DBF4: variants seen among roughly 807,000 people sequenced by gnomAD.
DBF4 encodes the protein protein DBF4 homolog A.
Under a neutral mutation model 76.6 loss-of-function variants are expected in DBF4, and 25 were observed. The observed-to-expected ratio is 0.33, with a 90% CI of 0.24 to 0.46. The LOEUF (loss-of-function observed/expected upper bound fraction) is 0.46. DBF4 is among the 20% of genes least tolerant of loss of function. DBF4 has a pLI of 1.00. For missense variants in DBF4, 638 were observed against 760.8 expected (o/e 0.84, Z 1.90); for synonymous variants, 213 against 258.0 (o/e 0.83, Z 1.67).
intron 11 of DBF4, among the ~76,000 whole-genome samples, chr7:87,905,733 A>C (rs958840502): frequency 2.0e-5 from 3 of 152,244 alleles, no homozygotes; most frequent in Admixed American, 6.5e-5. Flanking sequence ...ACAGCTTCTG[A>C]AAATTAACCA....
chr7:87,896,951 G>C (rs546096943), intron 7 of DBF4, among the ~76,000 whole-genome samples: 1 of 152,170 alleles, frequency 6.6e-6, no homozygotes, highest in South Asian at 2.1e-4. Context: ...CAGGTACTGC[G>C]AATAGTGTGA....
intron 6 of DBF4, 139 bp from the exon 7 acceptor site, chr7:87,896,335 T>C: frequency 1.5e-6 from 1 of 662,600 alleles, no homozygotes; most frequent in Non-Finnish European, 2.6e-6. Flanking sequence ...AAACAATAGT[T>C]TTTTTTAACA....
rs998929767 is a variant in DBF4 at position 87,909,210 on chromosome 7, G to A, written c.*1047G>A. The A allele has an allele frequency of 1.3e-5, 2 of 152,128 alleles. No individual in the cohort carries two copies. Among genetic ancestry groups the A allele is most frequent in the African/African-American group, 4.8e-5 (2 of 41,428 alleles). The allele number at this position is 152,128 out of a possible 1,614,324, so 9.4% of individuals were successfully genotyped here. On this transcript the variant is annotated 3_prime_UTR_variant, in exon 12 of 12. Coordinates refer to ENST00000265728, the MANE Select transcript of DBF4 (RefSeq NM_006716.4). ...CTGGCACTTACTGATACAAGCATTT[G>A]GAGAAGAGAAAATTCAAATATAAGA...
In DBF4 at chr7:87,909,393, T is replaced by C. The variant is rs778248580; in HGVS notation, c.*1230T>C. On this transcript the variant is annotated 3_prime_UTR_variant, in exon 12 of 12. Coordinates refer to ENST00000265728, the MANE Select transcript of DBF4 (RefSeq NM_006716.4). ...TACTAATCTTAATTTTTTTGAAATATATGATTCTCAGTACAGGACTAATTC... is the reference window on the plus strand; with the variant it reads ...TACTAATCTTAATTTTTTTGAAATACATGATTCTCAGTACAGGACTAATTC... The C allele has an allele frequency of 2.0e-5, 3 of 152,360 alleles. No individual in the cohort carries two copies. Among genetic ancestry groups the C allele is most frequent in the South Asian group, 2.1e-4 (1 of 4,830 alleles). 9.4% of individuals were successfully genotyped at this position (152,360 alleles called of 1,614,324 possible).
At chr7:87,887,444 C>A in intron 5 of DBF4, 46 bp downstream of exon 5, 1 of 1,501,654 alleles carries the variant, frequency 6.7e-7, no homozygotes, top group South Asian at 1.2e-5. Flanking sequence ...TTTTAAGTGT[C>A]CATGTCTGTC....
At chr7:87,899,596 G>A (rs1347214767) in intron 8 of DBF4, among the ~76,000 whole-genome samples, 1 of 152,158 alleles carries the variant, frequency 6.6e-6, no homozygotes, top group East Asian at 1.9e-4. Context: ...CTATTAAGCA[G>A]CCAAAAAGTG....
intron 8 of DBF4, among the ~76,000 whole-genome samples, chr7:87,899,399 A>G (rs1839712792): frequency 6.6e-6 from 1 of 152,244 alleles, no homozygotes; most frequent in Admixed American, 6.5e-5. Context: ...GAATATATTA[A>G]GAATTACAAG....
chr7:87,897,368 T>A, intron 8 of DBF4, 29 bp downstream of exon 8: 1 of 1,601,542 alleles, frequency 6.2e-7, no homozygotes, highest in Non-Finnish European at 8.5e-7. Flanking sequence ...TCTGTATGAT[T>A]TAAGTGCAAT....
At chr7:87,904,148 G>T in intron 10 of DBF4, 144 bp from the exon 11 acceptor site, 1 of 719,076 alleles carries the variant, frequency 1.4e-6, no homozygotes, top group Non-Finnish European at 2.1e-6. Flanking sequence ...AACGTCTTTT[G>T]AAGTCTAGTA....
At chr7:87,906,575 A>G (rs1321824230) in intron 11 of DBF4, among the ~76,000 whole-genome samples, 1 of 152,186 alleles carries the variant, frequency 6.6e-6, no homozygotes, top group Non-Finnish European at 1.5e-5. Flanking sequence ...AAGATGCTCC[A>G]TGAAGAAAAT....
rs766336443 is a variant in DBF4 at position 87,900,372 on chromosome 7, A to G, written c.809+23A>G. ...AAGGTTGGTTTGAATCTTTACTTTT[A>G]GAAGGAATATTCAGAATTTCATCTC... On this transcript the variant is annotated intron_variant, in intron 9 of 11. Coordinates refer to ENST00000265728, the MANE Select transcript of DBF4 (RefSeq NM_006716.4). 1.7e-5 allele frequency: 27 copies of G among 1,574,690 alleles called. No homozygotes were observed. The Admixed American group carries it at 5.5e-4, about 32-fold the overall frequency.
Position 87,907,231 on chromosome 7 carries a change from G to A in DBF4, c.1093G>A (p.Val365Ile). 4 of 1,611,222 alleles carry A rather than the reference G, an allele frequency of 2.5e-6. No homozygotes were observed. Among genetic ancestry groups the A allele is most frequent in the Non-Finnish European group, 3.4e-6 (4 of 1,179,326 alleles). Residue 365 changes from valine (V) to isoleucine (I), a missense_variant, in exon 12 of 12, where the codon GTC becomes ATC. Val to Ile is a conservative substitution (Grantham distance 29). Coordinates refer to ENST00000265728, the MANE Select transcript of DBF4 (RefSeq NM_006716.4). ...ATCCCTTTCTCCTGTTTCTGCAAGT[G>A]TCCTGAAAAAGACTGAACAAAAGGA... ...VGSLSPVSAS[V>I]LKKTEQKEKV...
chr7:87,886,535 CAAAAAAAAA>C (rs11411808), intron 3 of DBF4, among the ~76,000 whole-genome samples: 2 of 54,238 alleles, frequency 3.7e-5, no homozygotes, highest in Admixed American at 4.7e-4. Context: ...ACTTTGTCTC[CAAAAAAAAA>C]AAAAAAAAAA....
At chr7:87,878,357 T>C in intron 2 of DBF4, 132 bp downstream of exon 2, 1 of 712,066 alleles carries the variant, frequency 1.4e-6, no homozygotes, top group Non-Finnish European at 2.2e-6. Flanking sequence ...ATCAGCTGTT[T>C]ATCGTTAACA....
In DBF4 at chr7:87,902,424, G is replaced by A. The variant is rs577095815; in HGVS notation, c.924+1546G>A. Among the ~76,000 whole-genome samples the A allele has an allele frequency of 1.1e-4, 17 of 152,126 alleles. 1 individual carries two copies. The highest frequency in any genetic ancestry group is 2.9e-4 in the African/African-American group (12 of 41,494). ...CTGGGGAGAAAGCAACAGATAAGGC[G>A]GACATCCCTACCCTTATGCACCTTA... On this transcript the variant is annotated intron_variant, in intron 10 of 11. Coordinates refer to ENST00000265728, the MANE Select transcript of DBF4 (RefSeq NM_006716.4).
intron 2 of DBF4, among the ~76,000 whole-genome samples, chr7:87,880,240 GT>G (rs1562756281): frequency 6.6e-6 from 1 of 152,164 alleles, no homozygotes; most frequent in African/African-American, 2.4e-5. Context: ...AGTTCCTGAG[GT>G]AATTGCAAGA....
chr7:87,909,528 G>C lies in DBF4; in HGVS notation c.*1365G>C, dbSNP rs747701441. 4 of 152,116 alleles carry C rather than the reference G, an allele frequency of 2.6e-5. No homozygotes were observed. Among genetic ancestry groups the C allele is most frequent in the South Asian group, 2.1e-4 (1 of 4,826 alleles). The allele number at this position is 152,116 out of a possible 1,614,324, so 9.4% of individuals were successfully genotyped here. ...AGTACCTGAAGTAGGCTCAATAAAA[G>C]AGTCTTTACAGTGCATACACGCAAA... On this transcript the variant is annotated 3_prime_UTR_variant, in exon 12 of 12. Coordinates refer to ENST00000265728, the MANE Select transcript of DBF4 (RefSeq NM_006716.4).
At chr7:87,891,628 C>T (rs1310726955) in intron 6 of DBF4, among the ~76,000 whole-genome samples, 1 of 152,034 alleles carries the variant, frequency 6.6e-6, no homozygotes, top group Non-Finnish European at 1.5e-5. Flanking sequence ...AATAATGTCC[C>T]CTCTTCCATT....
chr7:87,896,627 A>G (rs1316971312), intron 7 of DBF4, 117 bp downstream of exon 7: 5 of 875,220 alleles, frequency 5.7e-6, no homozygotes, highest in Admixed American at 5.3e-5. Context: ...CTTCGTCTTT[A>G]TAGAACATAG....
Sources: gnomAD v4.1 joint callset for allele counts (sites outside exome capture counted in the v4.1 genomes callset) on GRCh38, gnomAD v4.1.1 for gene constraint, MANE v1.5 for transcripts, NCBI Gene and HGNC (gene_info 2026-07-23, HGNC 2026-07-21) for gene names.